The following FAM171B variants were observed in gnomAD, a reference collection of about 807,000 sequenced individuals.
FAM171B encodes the protein protein FAM171B.
A neutral mutation model predicts 75.6 loss-of-function variants in FAM171B; 19 were observed. That is an observed-to-expected ratio of 0.25 (90% confidence interval 0.18 to 0.37). The LOEUF (loss-of-function observed/expected upper bound fraction) is 0.37, where lower values mean the gene tolerates loss of function less well. Among genes scored for constraint, FAM171B ranks in the 10% least tolerant of loss-of-function variants. The probability of loss-of-function intolerance (pLI) is 1.00; values close to 1 mark genes in which losing one functional copy is unlikely to be tolerated. For synonymous variants in FAM171B, 367 were observed against 361.7 expected, an observed-to-expected ratio of 1.01 and a Z score of -0.17; for missense variants, 848 against 982.4, an observed-to-expected ratio of 0.86 and a Z score of 1.83.
chr2:186,754,312 T>C (rs899871386), intron 6 of FAM171B, among the ~76,000 whole-genome samples: 4 of 152,226 alleles, frequency 2.6e-5, no homozygotes, highest in African/African-American at 9.6e-5. Flanking sequence ...TACTTCTTTT[T>C]ATGAATAAAT....
intron 1 of FAM171B, among the ~76,000 whole-genome samples, chr2:186,732,997 G>A (rs1559087371): frequency 6.6e-6 from 1 of 152,166 alleles, no homozygotes; most frequent in African/African-American, 2.4e-5. Flanking sequence ...TAGAGAGACA[G>A]TTTAACAACT....
chr2:186,699,293 T>C (rs1689625014), intron 1 of FAM171B, among the ~76,000 whole-genome samples: 1 of 152,184 alleles, frequency 6.6e-6, no homozygotes, highest in Non-Finnish European at 1.5e-5. Flanking sequence ...GCATTTCTTA[T>C]TGCCTGTCTT....
At chr2:186,736,611 C>CATTTAAT (rs1472674128) in intron 1 of FAM171B, among the ~76,000 whole-genome samples, 6 of 113,220 alleles carry the variant, frequency 5.3e-5, no homozygotes, top group Admixed American at 1.0e-4. Flanking sequence ...GTTTGGATAA[C>CATTTAAT]ATTTAACGTT....
At chr2:186,727,039 T>C (rs1158699683) in intron 1 of FAM171B, among the ~76,000 whole-genome samples, 1 of 152,112 alleles carries the variant, frequency 6.6e-6, no homozygotes. Context: ...TTATTCCTTC[T>C]CTCTCTGCAA....
chr2:186,760,487 G>C (rs539951236), intron 6 of FAM171B, among the ~76,000 whole-genome samples: 1 of 152,146 alleles, frequency 6.6e-6, no homozygotes, highest in East Asian at 1.9e-4. Flanking sequence ...TTTGCACAAA[G>C]CTCAAGTTAG....
At chr2:186,732,168 A>AC (rs11437082) in intron 1 of FAM171B, among the ~76,000 whole-genome samples, 144,388 of 152,100 alleles carry the variant, frequency 0.95, 68,787 homozygotes, top group Non-Finnish European at 1. Flanking sequence ...TACTATTATA[A>AC]CTTTTTTTTG....
rs1420825347 is a variant in FAM171B, at chr2:186,763,037, G to T, written c.*214G>T. ...TTTATTTTTGGGTGATGAATTTACA[G>T]TATCTAAGTTTTCAAAATGTAAAAT... On this transcript the variant is annotated 3_prime_UTR_variant, in exon 8 of 8. Transcript: ENST00000304698. The T allele has an allele frequency of 4.1e-5, 22 of 532,592 alleles. No homozygotes were observed. In the East Asian group the frequency reaches 6.8e-4, roughly 16 times the overall value. 33.0% of individuals were successfully genotyped at this position (532,592 alleles called of 1,614,324 possible).
rs1284873609 is a variant in FAM171B, at chr2:186,761,542, A to G, written c.1200A>G (p.Arg400=). ...TCACTAAACTTGAGGTCCTCAAGAGAGACCAGACAACTTCAACAACACACA... is the reference window on the plus strand; with the variant it reads ...TCACTAAACTTGAGGTCCTCAAGAGGGACCAGACAACTTCAACAACACACA... ...RNITKLEVLK[R]DQTTSTTHIN... The change falls in exon 8 of 8, where the codon AGA becomes AGG. Residue 400 remains arginine (R), a synonymous_variant. Transcript: ENST00000304698. 2.5e-6 allele frequency: 4 copies of G among 1,606,292 alleles called. No homozygotes were observed. The Admixed American group carries it at 6.9e-5, about 28-fold the overall frequency.
chr2:186,703,924 G>T (rs917671089), intron 1 of FAM171B, among the ~76,000 whole-genome samples: 3 of 151,990 alleles, frequency 2.0e-5, no homozygotes, highest in African/African-American at 7.3e-5. Flanking sequence ...GGGCATAGTA[G>T]AATTTATTTA....
intron 3 of FAM171B, 88 bp from the exon 4 acceptor site, chr2:186,747,004 T>A: frequency 2.1e-6 from 2 of 932,188 alleles, no homozygotes; most frequent in Non-Finnish European, 3.2e-6. Context: ...TAATTATAAT[T>A]GCTTCTTTTA....
chr2:186,737,410 G>C (rs990596191), intron 1 of FAM171B, among the ~76,000 whole-genome samples: 1 of 152,170 alleles, frequency 6.6e-6, no homozygotes, highest in Non-Finnish European at 1.5e-5. Flanking sequence ...AGGCTGGAGT[G>C]CAGTGGTGTG....
At chr2:186,727,068 T>C (rs981201283) in intron 1 of FAM171B, among the ~76,000 whole-genome samples, 6 of 151,790 alleles carry the variant, frequency 4.0e-5, no homozygotes, top group Non-Finnish European at 8.8e-5. Context: ...CTTCCCTCTC[T>C]CCCCCCACCC....
chr2:186,762,011 G>A lies in FAM171B; in HGVS notation c.1669G>A (p.Ala557Thr), dbSNP rs371346812. ...LFSTPEQLHT[A>T]KSATLPRKGQ... is the part of the protein sequence containing the mutation. ...CTCCACACCGGAACAATTACATACT[G>A]CTAAGTCAGCTACTTTGCCAAGAAA... Residue 557 changes from alanine to threonine, a missense_variant, in exon 8 of 8, where the codon GCT (alanine) becomes ACT (threonine). By Grantham distance (58) the Ala-to-Thr change is moderately conservative. Transcript: ENST00000304698. This position sits in a 1 kb window ranked among gnomAD's most constrained non-coding sequence, Gnocchi z 4.0. 177 of 1,613,390 alleles carry A rather than the reference G, an allele frequency of 1.1e-4. No individual in the cohort carries two copies. Among genetic ancestry groups the A allele is most frequent in the Non-Finnish European group, 1.4e-4 (168 of 1,179,792 alleles).
intron 1 of FAM171B, among the ~76,000 whole-genome samples, chr2:186,734,806 G>A (rs1690173725): frequency 6.6e-6 from 1 of 152,218 alleles, no homozygotes; most frequent in South Asian, 2.1e-4. Flanking sequence ...AGTGCCCAAA[G>A]TCCGGAAGGG....
At chr2:186,706,178 A>T (rs1436215687) in intron 1 of FAM171B, among the ~76,000 whole-genome samples, 3 of 152,224 alleles carry the variant, frequency 2.0e-5, no homozygotes, top group Non-Finnish European at 4.4e-5. Context: ...TTCCCAAAGA[A>T]GGCATTTATA....
Position 186,764,303 on chromosome 2 carries a change from A to G in FAM171B, c.*1480A>G, listed in dbSNP as rs1466114742. ...CAGCCACATTAGCTTCAGTAAAATT[A>G]TAGCTAGATGTGCAATTTTTTCCTC... On this transcript the variant is annotated 3_prime_UTR_variant, in exon 8 of 8. Transcript: ENST00000304698. The G allele has an allele frequency of 6.6e-6, 1 of 151,996 alleles. No homozygotes were observed. Among genetic ancestry groups the G allele is most frequent in the East Asian group, 1.9e-4 (1 of 5,194 alleles). The allele number at this position is 151,996 out of a possible 1,614,324, so 9.4% of individuals were successfully genotyped here.
In FAM171B at chr2:186,751,292, G is replaced by C; in HGVS notation, c.883G>C (p.Asp295His). The C allele has an allele frequency of 6.3e-7, 1 of 1,591,762 alleles. No homozygotes were observed. Among genetic ancestry groups the C allele is most frequent in the Non-Finnish European group, 8.6e-7 (1 of 1,166,230 alleles). ...GGATCGCATACCTGCTTGGACATTTGATATGAACACAGGTATGTGAGCTAG... is the reference window on the plus strand; with the variant it reads ...GGATCGCATACCTGCTTGGACATTTCATATGAACACAGGTATGTGAGCTAG... ...AGDRIPAWTF[D>H]MNTGAWVNHG... Residue 295 changes from aspartate to histidine, a missense_variant, in exon 5 of 8, where the codon GAT becomes CAT. Coordinates refer to ENST00000304698, the MANE Select transcript of FAM171B (RefSeq NM_177454.4).
intron 1 of FAM171B, among the ~76,000 whole-genome samples, chr2:186,739,934 G>A (rs1690262618): frequency 6.6e-6 from 1 of 152,106 alleles, no homozygotes; most frequent in African/African-American, 2.4e-5. Flanking sequence ...ACACTATGAT[G>A]GCCATGACGT....
At chr2:186,751,919 C>G (rs1375447) in intron 5 of FAM171B, among the ~76,000 whole-genome samples, 141,185 of 152,152 alleles carry the variant, frequency 0.93, 66,124 homozygotes, top group Non-Finnish European at 1. Flanking sequence ...GAAAAGTTTA[C>G]AGGTAGGACT....
Sources: gnomAD v4.1 joint callset for allele counts (sites outside exome capture counted in the v4.1 genomes callset) on GRCh38, gnomAD v4.1.1 for gene constraint, Gnocchi (gnomAD v3.1) non-coding constraint, MANE v1.5 for transcripts, NCBI Gene and HGNC (gene_info 2026-07-23, HGNC 2026-07-21) for gene names.